CALN1: variants seen among roughly 807,000 people sequenced by gnomAD.
CALN1 encodes calcium-binding protein 8.
CALN1 carries 17 observed loss-of-function variants against 30.6 expected under a neutral mutation model. The observed-to-expected ratio is 0.56, with a 90% CI of 0.38 to 0.83. CALN1 has a LOEUF of 0.83. Ranked by LOEUF, CALN1 falls within the 40% of genes least tolerant of loss-of-function variation. The probability of loss-of-function intolerance (pLI) is 0.00; values close to 1 mark genes in which losing one functional copy is unlikely to be tolerated. For synonymous variants in CALN1, 156 were observed against 131.4 expected (o/e 1.19, Z -1.28); for missense variants, 291 against 354.9 (o/e 0.82, Z 1.45).
At chr7:71,966,866 G>C (rs1406970439) in intron 5 of CALN1, among the ~76,000 whole-genome samples, 1 of 152,168 alleles carries the variant, frequency 6.6e-6, no homozygotes, top group Non-Finnish European at 1.5e-5. Flanking sequence ...ATGCAACTTT[G>C]TAAGTTGTAA....
chr7:71,807,947 A>G (rs7803496), intron 6 of CALN1, among the ~76,000 whole-genome samples: 53,717 of 151,584 alleles, frequency 0.35, 10,148 homozygotes, highest in East Asian at 0.6. Flanking sequence ...GGGGGTGGGC[A>G]CCTGTAGTCC....
chr7:72,226,961 G>A (rs554319390), intron 3 of CALN1, among the ~76,000 whole-genome samples: 2 of 150,908 alleles, frequency 1.3e-5, no homozygotes, highest in African/African-American at 2.4e-5. Context: ...ACTTGAACCC[G>A]GAAGACAGAG....
At chr7:72,325,879 C>CA (rs931140479) in intron 2 of CALN1, among the ~76,000 whole-genome samples, 1 of 151,916 alleles carries the variant, frequency 6.6e-6, no homozygotes, top group Non-Finnish European at 1.5e-5. Flanking sequence ...GACATCTGGG[C>CA]AAAAAATGTG....
chr7:72,263,559 C>T (rs891368295), intron 3 of CALN1, among the ~76,000 whole-genome samples: 4 of 151,968 alleles, frequency 2.6e-5, no homozygotes, highest in South Asian at 2.1e-4. Context: ...CCATGCCTGG[C>T]TAACTTTTTA....
chr7:71,929,096 G>T (rs970810360), intron 5 of CALN1, among the ~76,000 whole-genome samples: 3 of 152,238 alleles, frequency 2.0e-5, no homozygotes, highest in Admixed American at 2.0e-4. Flanking sequence ...ATTGTAGCAT[G>T]TAACAGAATT....
rs370251122 is a variant in CALN1, at chr7:71,792,449, TTTC to T, written c.659-4550_659-4548del. 5.3e-4 allele frequency among the ~76,000 whole-genome samples: 81 copies of T among 152,304 alleles called. No individual in the cohort carries two copies. In the East Asian group the frequency reaches 7.9e-3, roughly 15 times the overall value. ...CGATTTAAAGTATATGTGGCTCAGC[TTTC>T]TTCTTGCCGATTGAAGCTTCCACCT... On this transcript the variant is annotated intron_variant, in intron 6 of 6. Transcript: ENST00000395275.
At chr7:72,331,206 C>T (rs1312961461) in intron 2 of CALN1, among the ~76,000 whole-genome samples, 3 of 152,010 alleles carry the variant, frequency 2.0e-5, no homozygotes, top group Admixed American at 6.6e-5. Context: ...AAAAATTAGC[C>T]GGGCATGGTG....
chr7:71,865,152 C>T (rs1039430879), intron 5 of CALN1, among the ~76,000 whole-genome samples: 13 of 152,190 alleles, frequency 8.5e-5, no homozygotes, highest in East Asian at 5.8e-4. Flanking sequence ...CCAATTCTCA[C>T]GGTGAACTGT....
At chr7:72,379,280 G>A (rs1487709612) in intron 2 of CALN1, among the ~76,000 whole-genome samples, 2 of 152,066 alleles carry the variant, frequency 1.3e-5, no homozygotes, top group African/African-American at 4.8e-5. Flanking sequence ...GAGGTGTGAA[G>A]CACCACACCC....
At chr7:71,845,609 T>G (rs1790183189) in intron 5 of CALN1, among the ~76,000 whole-genome samples, 1 of 152,160 alleles carries the variant, frequency 6.6e-6, no homozygotes, top group Admixed American at 6.5e-5. Flanking sequence ...TGAACCCTAA[T>G]GCAGAGGTTC....
intron 5 of CALN1, among the ~76,000 whole-genome samples, chr7:72,013,734 T>C (rs1240750734): frequency 6.6e-6 from 1 of 152,158 alleles, no homozygotes; most frequent in East Asian, 1.9e-4. Context: ...ATGGGCATAA[T>C]AGATGTAGGA....
rs1399389597 is a variant in CALN1 at position 72,442,811 on chromosome 7, T to C, written c.-226+4231A>G. Among the ~76,000 whole-genome samples the C allele has an allele frequency of 3.3e-5, 5 of 152,190 alleles. No individual in the cohort carries two copies. The South Asian group carries it at 8.3e-4, about 25-fold the overall frequency. ...TATGTAGGGTTGCACTTATTTAGAATTGCACTTTGTTAAGGGTTGTGCTTA... is the reference window on the plus strand; with the variant it reads ...TATGTAGGGTTGCACTTATTTAGAACTGCACTTTGTTAAGGGTTGTGCTTA... On this transcript the variant is annotated intron_variant, in intron 1 of 6. Transcript: ENST00000395276.
chr7:72,339,987 A>G (rs1379393205), intron 2 of CALN1, among the ~76,000 whole-genome samples: 2 of 152,156 alleles, frequency 1.3e-5, no homozygotes, highest in African/African-American at 4.8e-5. Context: ...ATCTAAACAT[A>G]ACATCTTAGT....
chr7:72,034,785 G>A (rs1156956537), intron 4 of CALN1, among the ~76,000 whole-genome samples: 1 of 105,868 alleles, frequency 9.4e-6, no homozygotes, highest in African/African-American at 4.0e-5. Flanking sequence ...GACAGAGTGA[G>A]ACTCTGTCTC....
chr7:71,974,074 T>C (rs1239087254), intron 5 of CALN1, among the ~76,000 whole-genome samples: 1 of 152,034 alleles, frequency 6.6e-6, no homozygotes, highest in Non-Finnish European at 1.5e-5. Flanking sequence ...CAACCAAATA[T>C]ATGGTAAACA....
chr7:72,254,513 A>C (rs145254497), intron 3 of CALN1, among the ~76,000 whole-genome samples: 1 of 152,248 alleles, frequency 6.6e-6, no homozygotes, highest in African/African-American at 2.4e-5. Flanking sequence ...ACACAGAGCC[A>C]CTGTCTCTAT....
At chr7:71,988,410 CGGCAGAGGCGGCTCTCAGGAA>C (rs1798786389) in intron 5 of CALN1, among the ~76,000 whole-genome samples, 1 of 152,054 alleles carries the variant, frequency 6.6e-6, no homozygotes, top group African/African-American at 2.4e-5. Flanking sequence ...ACAGAAACTG[CGGCAGAGGCGGCTCTCAGGAA>C]GGCATAGCCG....
chr7:71,980,368 G>A (rs1470146775), intron 5 of CALN1, among the ~76,000 whole-genome samples: 1 of 151,184 alleles, frequency 6.6e-6, no homozygotes, highest in Non-Finnish European at 1.5e-5. Flanking sequence ...TGTATTTTTA[G>A]TAGAGACAGG....
intron 4 of CALN1, among the ~76,000 whole-genome samples, chr7:72,069,163 G>A (rs897028820): frequency 2.0e-5 from 3 of 152,146 alleles, no homozygotes; most frequent in South Asian, 2.1e-4. Flanking sequence ...GTGCGGAATC[G>A]CAGACTTCAG....
Sources: gnomAD v4.1 joint callset for allele counts (sites outside exome capture counted in the v4.1 genomes callset) on GRCh38, gnomAD v4.1.1 for gene constraint, MANE v1.5 for transcripts, NCBI Gene and HGNC (gene_info 2026-07-23, HGNC 2026-07-21) for gene names.